The following UBXN11 variants were observed in gnomAD, a reference collection of about 807,000 sequenced individuals.
UBXN11 encodes UBX domain-containing protein 11.
Under a neutral mutation model 62.8 loss-of-function variants are expected in UBXN11, and 47 were observed. That is an observed-to-expected ratio of 0.75 (90% CI 0.59 to 0.95). UBXN11 has a LOEUF of 0.95. Among genes scored for constraint, UBXN11 ranks in the 40% least tolerant of loss-of-function variants. The pLI is 0.00. For synonymous variants in UBXN11, 294 were observed against 267.0 expected (o/e 1.10, Z -0.99); for missense variants, 638 against 661.7 (o/e 0.96, Z 0.39).
At chr1:26,307,624 C>T (rs2073693391), upstream of UBXN11, among the ~76,000 whole-genome samples, 1 of 127,926 alleles carries the variant, frequency 7.8e-6, no homozygotes, top group African/African-American at 3.0e-5. Context: ...TTTTCTGTTG[C>T]TTTTTTTTTT....
At position 26,282,381 on chromosome 1, in the gene UBXN11, CTGGGGCCGGG is replaced by C. The variant is rs2073013854; in HGVS notation, c.1471_1480del (p.Pro491ValfsTer?). The C allele has an allele frequency of 1.4e-5, 8 of 568,984 alleles. No homozygotes were observed. In the East Asian group the frequency reaches 2.6e-4, roughly 19 times the overall value. The allele number at this position is 568,984 out of a possible 1,614,324, so 35.2% of individuals were successfully genotyped here. A position where few individuals can be genotyped will look rare whatever the true frequency, so the allele number is the denominator to read the frequency against. ...ACTGGGGCCGGGACCGGGACCGGGA[CTGGGGCCGGG>C]ACCGGGACCGGGACAGGGACCAGGA... is the stretch of plus-strand genomic sequence containing the variant. On this transcript the variant is annotated frameshift_variant, in exon 15 of 15. Coordinates refer to ENST00000374222, the MANE Select transcript of UBXN11 (RefSeq NM_001389556.1). LOFTEE classifies it low-confidence loss of function (END_TRUNC).
At chr1:26,293,739 A>AT (rs1463983815) in intron 8 of UBXN11, among the ~76,000 whole-genome samples, 5 of 150,102 alleles carry the variant, frequency 3.3e-5, no homozygotes, top group Admixed American at 6.6e-5. Flanking sequence ...AAAAAAAAAA[A>AT]AAAAAAAAAA....
At position 26,282,660 on chromosome 1, in the gene UBXN11, T is replaced by TA; in HGVS notation, c.1280dup (p.Ala428SerfsTer12). The TA allele has an allele frequency of 1.2e-6, 2 of 1,614,090 alleles. No individual in the cohort carries two copies. The highest frequency in any genetic ancestry group is 1.7e-6 in the Non-Finnish European group (2 of 1,180,012). ...TGCCCTGCACCCACCTGGCCTGCGC[T>TA]AGCAGAGCTCGCACGTCCCCAATGG... On this transcript the variant is annotated frameshift_variant, in exon 14 of 15. Transcript: ENST00000374222. LOFTEE classifies it low-confidence loss of function (END_TRUNC).
chr1:26,284,176 A>G lies in UBXN11; in HGVS notation c.1043T>C (p.Ile348Thr). ...PKFVIRQGEV[I>T]DIRGPIRDTL... ...GTCCCTGATGGGGCCCCGGATGTCA[A>G]TCACCTCGCCTTGCCGGATCACAAA... is the stretch of plus-strand genomic sequence containing the variant. The change falls in exon 12 of 15, where the codon ATT becomes ACT. Residue 348 changes from isoleucine to threonine, a missense_variant. Ile to Thr is a moderately conservative substitution (Grantham distance 89). Transcript: ENST00000374222. 2 of 1,612,818 alleles carry G rather than the reference A, an allele frequency of 1.2e-6. No individual in the cohort carries two copies. The highest frequency in any genetic ancestry group is 1.3e-5 in the African/African-American group (1 of 75,010).
intron 13 of UBXN11, 26 bp downstream of exon 13, chr1:26,282,838 C>T (rs2073032643): frequency 1.9e-6 from 3 of 1,613,536 alleles, no homozygotes; most frequent in Non-Finnish European, 2.5e-6. Context: ...CGCCCCCAGG[C>T]CCTCACCTCC....
chr1:26,283,060 T>C lies in UBXN11; in HGVS notation c.1078-123A>G, dbSNP rs918944058. ...GACCAGTGAGCAAAGCGGGAGGGGG[T>C]GTTCTGTATAAACCAAGGCCAGAGG... On this transcript the variant is annotated intron_variant, in intron 12 of 14. Transcript: ENST00000374222. The C allele has an allele frequency of 4.7e-6, 6 of 1,284,698 alleles. No homozygotes were observed. In the African/African-American group the frequency reaches 8.8e-5, roughly 19 times the overall value. 79.6% of individuals were successfully genotyped at this position (1,284,698 alleles called of 1,614,324 possible). A position where few individuals can be genotyped will look rare whatever the true frequency, so the allele number is the denominator to read the frequency against.
In UBXN11 at chr1:26,296,910, C is replaced by A; in HGVS notation, c.432+9G>T. 6.2e-7 allele frequency: 1 copy of A among 1,600,722 alleles called. No homozygotes were observed. Among genetic ancestry groups the A allele is most frequent in the South Asian group, 1.1e-5 (1 of 88,870 alleles). On this transcript the variant is annotated intron_variant, in intron 7 of 14. Coordinates refer to ENST00000374222, the MANE Select transcript of UBXN11 (RefSeq NM_001389556.1). ...GCTGCCCGCATCCCCCGGGGCCCAGCTCTCTCACCTCCATCTCCCTGACCT... is the reference window on the plus strand; with the variant it reads ...GCTGCCCGCATCCCCCGGGGCCCAGATCTCTCACCTCCATCTCCCTGACCT...
At chr1:26,295,717 C>G (rs1222571908) in intron 7 of UBXN11, among the ~76,000 whole-genome samples, 1 of 152,210 alleles carries the variant, frequency 6.6e-6, no homozygotes, top group Non-Finnish European at 1.5e-5. Flanking sequence ...TGGTGTCACC[C>G]ATTTCATCAA....
In UBXN11 at chr1:26,294,342, G is replaced by T; in HGVS notation, c.433-11C>A. 6.6e-7 allele frequency: 1 copy of T among 1,512,112 alleles called. No homozygotes were observed. The highest frequency in any genetic ancestry group is 8.8e-7 in the Non-Finnish European group (1 of 1,130,946). The allele number at this position is 1,512,112 out of a possible 1,614,324, so 93.7% of individuals were successfully genotyped here. On this transcript the variant is annotated splice_polypyrimidine_tract_variant and intron_variant, in intron 7 of 14. Transcript: ENST00000374222. ...GTCACTGAGGAACCGCTGTGGGAAA[G>T]AAGGGGGAGATGCGGGGCACCGTCA...
At chr1:26,301,744 A>T in intron 2 of UBXN11, 22 bp from the exon 3 acceptor site, 1 of 1,613,874 alleles carries the variant, frequency 6.2e-7, no homozygotes, top group Non-Finnish European at 8.5e-7. Flanking sequence ...GGCAGGAAGA[A>T]GGAAGAAATA....
chr1:26,285,719 C>A (rs2073115638), intron 9 of UBXN11, 104 bp downstream of exon 9: 19 of 1,450,474 alleles, frequency 1.3e-5, no homozygotes, highest in Non-Finnish European at 1.8e-5. Context: ...CCTGGGTGCC[C>A]CGTGGAGGGC....
chr1:26,282,677 C>T lies in UBXN11; in HGVS notation c.1264G>A (p.Asp422Asn). 3 of 1,614,162 alleles carry T rather than the reference C, an allele frequency of 1.9e-6. No homozygotes were observed. The South Asian group carries it at 3.3e-5, about 18-fold the overall frequency. The change falls in exon 14 of 15, where the codon GAC becomes AAC. Residue 422 changes from aspartate (D) to asparagine (N), a missense_variant. Asp to Asn is a conservative substitution (Grantham distance 23). Coordinates refer to ENST00000374222, the MANE Select transcript of UBXN11 (RefSeq NM_001389556.1). ...GCCTGCGCTAGCAGAGCTCGCACGT[C>T]CCCAATGGTGTTGTCAGGCTGCATC... is the stretch of plus-strand genomic sequence containing the variant. ...LMMQPDNTIG[D>N]VRALLAQARV...
chr1:26,293,508 A>G (rs2073319941), intron 8 of UBXN11, among the ~76,000 whole-genome samples: 1 of 152,016 alleles, frequency 6.6e-6, no homozygotes, highest in South Asian at 2.1e-4. Context: ...TGGGCAGATC[A>G]CGAGGTCAGG....
intron 8 of UBXN11, among the ~76,000 whole-genome samples, chr1:26,287,658 T>C (rs538570312): frequency 6.6e-6 from 1 of 152,144 alleles, no homozygotes; most frequent in African/African-American, 2.4e-5. Context: ...CCTGTTGCTT[T>C]TGCAGCAGGT....
At chr1:26,300,677 A>G (rs2073509418) in intron 4 of UBXN11, among the ~76,000 whole-genome samples, 1 of 152,086 alleles carries the variant, frequency 6.6e-6, no homozygotes, top group South Asian at 2.1e-4. Flanking sequence ...CACTGATATC[A>G]CACCTGGTAA....
At chr1:26,286,129 T>A in intron 8 of UBXN11, 92 bp from the exon 9 acceptor site, 3 of 1,188,346 alleles carry the variant, frequency 2.5e-6, no homozygotes, top group Non-Finnish European at 3.5e-6. Context: ...AGCTGGGCAG[T>A]GGTCTTAATG....
chr1:26,283,959 C>T (rs144688801), intron 12 of UBXN11, among the ~76,000 whole-genome samples, 183 bp downstream of exon 12: 2 of 152,326 alleles, frequency 1.3e-5, no homozygotes, highest in African/African-American at 4.8e-5. Flanking sequence ...ACCTGCTTTC[C>T]GGGGCCCAGC....
intron 4 of UBXN11, 116 bp downstream of exon 4, chr1:26,300,810 G>T: frequency 6.6e-7 from 1 of 1,518,736 alleles, no homozygotes; most frequent in Non-Finnish European, 8.9e-7. Context: ...AGGAGTGGAA[G>T]CAGCTGCCTC....
At chr1:26,300,839 G>A (rs2073514797) in intron 4 of UBXN11, 87 bp downstream of exon 4, 2 of 1,596,610 alleles carry the variant, frequency 1.3e-6, no homozygotes. Flanking sequence ...CAGGCGAGAG[G>A]AAGGGCCATG....
Sources: allele counts gnomAD v4.1 joint callset (sites outside exome capture counted in the v4.1 genomes callset), GRCh38; gene constraint gnomAD v4.1.1; transcripts MANE v1.5; gene names NCBI Gene and HGNC (gene_info 2026-07-23, HGNC 2026-07-21).